TSPAN9: variants seen among roughly 807,000 people sequenced by gnomAD.
The protein encoded by TSPAN9 is tetraspanin 9.
Under a neutral mutation model 31.0 loss-of-function variants are expected in TSPAN9, and 16 were observed. The ratio of observed to expected loss-of-function variants is 0.52; its 90% CI spans 0.35 to 0.78. The LOEUF (loss-of-function observed/expected upper bound fraction) is 0.78, where lower values mean the gene tolerates loss of function less well. TSPAN9 is among the 30% of genes least tolerant of loss of function. TSPAN9 has a pLI of 0.01. For missense variants in TSPAN9, 272 were observed against 312.5 expected, an observed-to-expected ratio of 0.87 and a Z score of 0.98; for synonymous variants, 145 against 121.6, an observed-to-expected ratio of 1.19 and a Z score of -1.27.
chr12:3,132,360 C>T (rs531205330), intron 2 of TSPAN9, among the ~76,000 whole-genome samples: 10 of 152,238 alleles, frequency 6.6e-5, no homozygotes, highest in African/African-American at 1.4e-4. Flanking sequence ...TTTTCCACAG[C>T]GGCTGTACCA....
chr12:3,193,460 C>T (rs572668428), intron 2 of TSPAN9, among the ~76,000 whole-genome samples: 2 of 152,158 alleles, frequency 1.3e-5, no homozygotes, highest in Non-Finnish European at 2.9e-5. Flanking sequence ...CTGATCTTTC[C>T]GAAGGCCCCA....
At chr12:3,110,574 A>G (rs1327764757) in intron 2 of TSPAN9, among the ~76,000 whole-genome samples, 2 of 152,130 alleles carry the variant, frequency 1.3e-5, no homozygotes, top group Admixed American at 6.5e-5. Context: ...AAAGGAACAA[A>G]AGTCCATTTC....
chr12:3,156,778 G>A (rs1250737214), intron 2 of TSPAN9, among the ~76,000 whole-genome samples: 1 of 152,190 alleles, frequency 6.6e-6, no homozygotes, highest in Non-Finnish European at 1.5e-5. Flanking sequence ...AAAGTGCTGG[G>A]ATTATAGGCC....
At chr12:3,120,648 G>A (rs1172080734) in intron 2 of TSPAN9, among the ~76,000 whole-genome samples, 1 of 152,214 alleles carries the variant, frequency 6.6e-6, no homozygotes, top group Admixed American at 6.5e-5. Context: ...GCCCAGGTTG[G>A]GCTAGGGCAG....
intron 2 of TSPAN9, among the ~76,000 whole-genome samples, chr12:3,165,933 C>T (rs370384084): frequency 3.3e-5 from 5 of 152,246 alleles, no homozygotes; most frequent in African/African-American, 1.2e-4. Flanking sequence ...GGCTCCGCAC[C>T]GAGGCTCAGG....
rs78910239 is a variant in TSPAN9 at position 3,101,379 on chromosome 12, C to T, written c.-18+17660C>T. Among the ~76,000 whole-genome samples the T allele has an allele frequency of 7.4e-3, 1,122 of 152,196 alleles. 14 individuals carry two copies. Among genetic ancestry groups the T allele is most frequent in the African/African-American group, 0.025 (1,057 of 41,528 alleles). ...GCTGCTGGGATTTAAGCCAAACCCA[C>T]GTCTGTTGCTTAGGGATGCTGTGTT... On this transcript the variant is annotated intron_variant, in intron 2 of 8. Transcript: ENST00000011898.
At chr12:3,233,057 G>A (rs950289777) in intron 3 of TSPAN9, among the ~76,000 whole-genome samples, 2 of 152,188 alleles carry the variant, frequency 1.3e-5, no homozygotes, top group African/African-American at 2.4e-5. Context: ...GATCACAGGT[G>A]TGGGGAGGAA....
intron 3 of TSPAN9, among the ~76,000 whole-genome samples, chr12:3,223,536 G>A (rs1162935012): frequency 2.6e-5 from 4 of 152,166 alleles, no homozygotes; most frequent in Admixed American, 6.5e-5. Context: ...CCCCAAGACC[G>A]TCCTGCAGTA....
intron 3 of TSPAN9, among the ~76,000 whole-genome samples, chr12:3,245,955 A>G (rs1372380842): frequency 1.3e-5 from 2 of 152,004 alleles, no homozygotes; most frequent in Non-Finnish European, 2.9e-5. Context: ...ATTCTTCAGT[A>G]TCTCCCTCTA....
intron 2 of TSPAN9, among the ~76,000 whole-genome samples, chr12:3,175,552 C>G (rs1388500382): frequency 6.6e-6 from 1 of 152,202 alleles, no homozygotes; most frequent in Non-Finnish European, 1.5e-5. Flanking sequence ...TTGAAAGACC[C>G]AGCCTCTCTC....
chr12:3,282,718 T>C (rs543945559), intron 8 of TSPAN9, among the ~76,000 whole-genome samples: 9 of 152,300 alleles, frequency 5.9e-5, no homozygotes, highest in Admixed American at 5.2e-4. Context: ...CCTTGGCTCC[T>C]GTGAGCCCCC....
intron 3 of TSPAN9, among the ~76,000 whole-genome samples, chr12:3,264,545 T>C (rs1330311265): frequency 6.6e-6 from 1 of 152,160 alleles, no homozygotes; most frequent in African/African-American, 2.4e-5. Context: ...CAGACGCTGC[T>C]GCAGGCCTGG....
intron 2 of TSPAN9, among the ~76,000 whole-genome samples, chr12:3,146,956 C>T (rs1037760640): frequency 1.3e-5 from 2 of 152,058 alleles, no homozygotes; most frequent in African/African-American, 4.8e-5. Flanking sequence ...CTTCTCTGAG[C>T]CTCAGTTTCC....
At chr12:3,082,831 C>T (rs1346460838) in intron 1 of TSPAN9, among the ~76,000 whole-genome samples, 1 of 152,182 alleles carries the variant, frequency 6.6e-6, no homozygotes, top group Non-Finnish European at 1.5e-5. Context: ...AACTAGATTG[C>T]AAGCCCCTTC....
chr12:3,191,939 A>G (rs182517643), intron 2 of TSPAN9, among the ~76,000 whole-genome samples: 166 of 152,278 alleles, frequency 1.1e-3, no homozygotes, highest in Non-Finnish European at 1.5e-3. Context: ...GCAGCCAGAA[A>G]ACTAGAATAG....
At chr12:3,210,293 T>G (rs564121118) in intron 3 of TSPAN9, among the ~76,000 whole-genome samples, 1 of 152,242 alleles carries the variant, frequency 6.6e-6, no homozygotes, top group East Asian at 1.9e-4. Context: ...TGTTTTCCAG[T>G]GAGGATGTAT....
chr12:3,225,707 G>A (rs1428983755), intron 3 of TSPAN9, among the ~76,000 whole-genome samples: 5 of 152,024 alleles, frequency 3.3e-5, no homozygotes, highest in Admixed American at 2.6e-4. Context: ...GCCAGGGGCC[G>A]AGTAATTGCC....
At chr12:3,118,333 G>C (rs759033946) in intron 2 of TSPAN9, among the ~76,000 whole-genome samples, 17 of 133,574 alleles carry the variant, frequency 1.3e-4, no homozygotes, top group Non-Finnish European at 2.1e-4. Flanking sequence ...CATGATCCTG[G>C]CTCGTGCAAC....
intron 2 of TSPAN9, among the ~76,000 whole-genome samples, chr12:3,126,343 G>A (rs891412712): frequency 3.9e-5 from 6 of 152,162 alleles, no homozygotes; most frequent in African/African-American, 1.4e-4. Flanking sequence ...ATGGCCTACG[G>A]CACACCTAGG....
Sources: allele counts gnomAD v4.1 joint callset (sites outside exome capture counted in the v4.1 genomes callset), GRCh38; gene constraint gnomAD v4.1.1; transcripts MANE v1.5; gene names NCBI Gene and HGNC (gene_info 2026-07-23, HGNC 2026-07-21).